ERICH6: variants seen among roughly 807,000 people sequenced by gnomAD.
The protein encoded by ERICH6 is glutamate rich 6.
A neutral mutation model predicts 71.0 loss-of-function variants in ERICH6; 71 were observed. That is an observed-to-expected ratio of 1.00 (90% CI 0.83 to 1.22). ERICH6 has a LOEUF of 1.22. Among genes scored for constraint, ERICH6 ranks in the 50% most tolerant of loss-of-function variants. The pLI, the probability that ERICH6 is intolerant of heterozygous loss-of-function variation, is 0.00. For missense variants in ERICH6, 808 were observed against 797.2 expected, an observed-to-expected ratio of 1.01 and a Z score of -0.16; for synonymous variants, 262 against 278.4, an observed-to-expected ratio of 0.94 and a Z score of 0.59.
chr3:150,686,147 G>A (rs1390182447), intron 4 of ERICH6, 126 bp from the exon 5 acceptor site: 3 of 1,185,302 alleles, frequency 2.5e-6, no homozygotes, highest in Admixed American at 3.6e-5. Context: ...CTGTTCAGAT[G>A]CCCTGATCCC....
intron 12 of ERICH6, among the ~76,000 whole-genome samples, chr3:150,667,660 CA>C (rs1727474642): frequency 2.6e-5 from 4 of 152,206 alleles, no homozygotes. Context: ...TTTAGCCCCT[CA>C]CCATCTGAGA....
Position 150,703,721 on chromosome 3 carries a change from ACTCCTCCTCCACCACCTCCTC to A in ERICH6, c.157_177del (p.Glu53_Glu59del). 1 of 1,460,634 alleles carries A rather than the reference ACTCCTCCTCCACCACCTCCTC, an allele frequency of 6.8e-7. No individual in the cohort carries two copies. 90.5% of individuals were successfully genotyped at this position (1,460,634 alleles called of 1,614,324 possible). A position where few individuals can be genotyped will look rare whatever the true frequency, so the allele number is the denominator to read the frequency against. On this transcript the variant is annotated inframe_deletion, in exon 1 of 14. Coordinates refer to ENST00000295910, the MANE Select transcript of ERICH6 (RefSeq NM_152394.5). ...TCCAACTCCTGCTCTTCCCCCACCA[ACTCCTCCTCCACCACCTCCTC>A]CTCCTCCTCCTCCACCTCTTCCTCC...
At chr3:150,683,512 C>T (rs140923718) in intron 6 of ERICH6, among the ~76,000 whole-genome samples, 19 of 152,224 alleles carry the variant, frequency 1.2e-4, no homozygotes, top group African/African-American at 4.1e-4. Flanking sequence ...CACCTGTAAT[C>T]CCGCACTTTG....
rs145250976 is a variant in ERICH6, at chr3:150,685,993, C to A, written c.639G>T (p.Ser213=). The change falls in exon 5 of 14, where the codon TCG becomes TCT. Residue 213 remains serine, a synonymous_variant. Coordinates refer to ENST00000295910, the MANE Select transcript of ERICH6 (RefSeq NM_152394.5). The part of the protein sequence containing the change: ...REKWVINPEE[S]KLNILYELEF... ...CCAGCTCATATAAAATATTTAGTTT[C>A]GACTCTTCTGGATTAATTACCCATT... 1.0e-5 allele frequency: 16 copies of A among 1,603,900 alleles called. No individual in the cohort carries two copies. Among genetic ancestry groups the A allele is most frequent in the Non-Finnish European group, 1.4e-5 (16 of 1,170,756 alleles).
chr3:150,673,389 A>G (rs894510402), intron 11 of ERICH6, among the ~76,000 whole-genome samples: 38 of 152,020 alleles, frequency 2.5e-4, no homozygotes, highest in African/African-American at 8.7e-4. Context: ...AGCTCTCACT[A>G]TGCTGCTCAG....
At chr3:150,698,461 A>G (rs1337268021) in intron 3 of ERICH6, among the ~76,000 whole-genome samples, 2 of 152,264 alleles carry the variant, frequency 1.3e-5, no homozygotes, top group African/African-American at 4.8e-5. Flanking sequence ...AAAAGTGTGC[A>G]TATGTTACTT....
chr3:150,663,131 A>C (rs1022039832), intron 13 of ERICH6, among the ~76,000 whole-genome samples: 1 of 152,164 alleles, frequency 6.6e-6, no homozygotes. Context: ...GTATCATTCT[A>C]AGTATTGTGT....
intron 3 of ERICH6, among the ~76,000 whole-genome samples, chr3:150,690,375 G>A (rs1016843437): frequency 4.0e-5 from 6 of 151,432 alleles, no homozygotes; most frequent in African/African-American, 1.5e-4. Context: ...TGTGAAACAG[G>A]TTATCAAGAA....
chr3:150,680,348 G>A (rs1037701094), intron 9 of ERICH6, 120 bp downstream of exon 9: 19 of 1,020,108 alleles, frequency 1.9e-5, no homozygotes, highest in African/African-American at 3.2e-5. Flanking sequence ...GATTACAGGC[G>A]TGAGCCACTG....
Position 150,680,803 on chromosome 3 carries a change from C to G in ERICH6, c.1010G>C (p.Arg337Thr). The G allele has an allele frequency of 6.2e-7, 1 of 1,611,564 alleles. No homozygotes were observed. The highest frequency in any genetic ancestry group is 8.5e-7 in the Non-Finnish European group (1 of 1,179,434). The change falls in exon 8 of 14, where the codon AGA (arginine) becomes ACA (threonine). Residue 337 changes from arginine to threonine, a missense_variant. Coordinates refer to ENST00000295910, the MANE Select transcript of ERICH6 (RefSeq NM_152394.5). ...PHAAHGSEVD[R>T]LKAKEKALQR... ...CAGGGCTTTTTCTTTTGCCTTGAGT[C>G]TGTCGACCTCACTACCATGGGCTGC...
At chr3:150,669,676 A>T (rs1230665259) in intron 11 of ERICH6, among the ~76,000 whole-genome samples, 3 of 152,200 alleles carry the variant, frequency 2.0e-5, no homozygotes, top group African/African-American at 7.2e-5. Context: ...TATAAAAAGG[A>T]TTACGCACCA....
intron 13 of ERICH6, among the ~76,000 whole-genome samples, chr3:150,662,514 A>C (rs989706925): frequency 1.3e-5 from 2 of 152,212 alleles, no homozygotes; most frequent in East Asian, 3.8e-4. Flanking sequence ...GAACACTTAT[A>C]AAAATTATGT....
intron 3 of ERICH6, among the ~76,000 whole-genome samples, chr3:150,693,046 T>C (rs1156451483): frequency 1.3e-5 from 2 of 152,166 alleles, no homozygotes; most frequent in African/African-American, 2.4e-5. Context: ...TGCTGATCCT[T>C]TGTTTTGTTT....
chr3:150,666,800 C>T lies in ERICH6; in HGVS notation c.1715G>A (p.Gly572Glu). The T allele has an allele frequency of 6.2e-7, 1 of 1,614,032 alleles. No individual in the cohort carries two copies. Among genetic ancestry groups the T allele is most frequent in the Non-Finnish European group, 8.5e-7 (1 of 1,179,984 alleles). ...AAATGTACCTACCTTCACTTTGGTT[C>T]CAACACTGATTCTTGCCTGTTGGCC... ...AMGQQARISV[G>E]TKVKLPNPEE... Residue 572 changes from glycine to glutamate, a missense_variant, in exon 13 of 14, where the codon GGA becomes GAA. By Grantham distance (98) the Gly-to-Glu change is moderately conservative (BLOSUM62 -2). This residue lies in a region of ERICH6 where 736 missense variants were observed against 712.2 expected (regional missense o/e 1.03). Transcript: ENST00000295910.
rs1016100632 is a variant in ERICH6 at position 150,659,958 on chromosome 3, A to G, written c.1926T>C (p.Cys642=). The change falls in exon 14 of 14, where the codon TGT becomes TGC. Residue 642 remains cysteine, a synonymous_variant. Coordinates refer to ENST00000295910, the MANE Select transcript of ERICH6 (RefSeq NM_152394.5). ...SSLSLKLIAL[C]HSSGIKQDIM... is the part of the protein sequence containing the mutation. ...TATCTTGCTTTATACCAGAACTGTGACAAAGGGCAATTAGTTTTAGAGAAA... is the reference window on the plus strand; with the variant it reads ...TATCTTGCTTTATACCAGAACTGTGGCAAAGGGCAATTAGTTTTAGAGAAA... The G allele has an allele frequency of 9.9e-6, 16 of 1,613,926 alleles. No homozygotes were observed. The highest frequency in any genetic ancestry group is 1.4e-5 in the Non-Finnish European group (16 of 1,179,908).
rs772519835 is a variant in ERICH6 at position 150,703,484 on chromosome 3, C to T, written c.403+12G>A. On this transcript the variant is annotated intron_variant, in intron 1 of 13. Coordinates refer to ENST00000295910, the MANE Select transcript of ERICH6 (RefSeq NM_152394.5). Reference sequence around the variant, plus strand: ...AGAAACCCTCGAGGAAGGGGTGGGTCGGGGGCGGTACTTTTATGCGAGGAG... The same window carrying T: ...AGAAACCCTCGAGGAAGGGGTGGGTTGGGGGCGGTACTTTTATGCGAGGAG... 1 of 1,568,962 alleles carries T rather than the reference C, an allele frequency of 6.4e-7. No homozygotes were observed. The highest frequency in any genetic ancestry group is 8.6e-7 in the Non-Finnish European group (1 of 1,157,852).
chr3:150,664,057 G>T (rs1727313737), intron 13 of ERICH6, among the ~76,000 whole-genome samples: 1 of 152,056 alleles, frequency 6.6e-6, no homozygotes, highest in South Asian at 2.1e-4. Flanking sequence ...GGGAGATGAA[G>T]AGTAATCAGG....
At position 150,696,661 on chromosome 3, in the gene ERICH6, C is replaced by A. The variant is rs545396851; in HGVS notation, c.553+2130G>T. On this transcript the variant is annotated intron_variant, in intron 3 of 13. Transcript: ENST00000295910. ...AATTCAAAGAAGATAATCGAGTGACCAAAAAAACATATTATTGGTATCAAG... is the reference window on the plus strand; with the variant it reads ...AATTCAAAGAAGATAATCGAGTGACAAAAAAAACATATTATTGGTATCAAG... 7.3e-5 allele frequency among the ~76,000 whole-genome samples: 11 copies of A among 151,628 alleles called. No homozygotes were observed. The South Asian group carries it at 2.3e-3, about 32-fold the overall frequency.
At chr3:150,668,219 A>G (rs1024202637) in intron 12 of ERICH6, among the ~76,000 whole-genome samples, 15 of 152,216 alleles carry the variant, frequency 9.9e-5, no homozygotes, top group Non-Finnish European at 1.9e-4. Context: ...AGTCTACACT[A>G]TGTACAGATG....
Sources: gnomAD v4.1 joint callset for allele counts (sites outside exome capture counted in the v4.1 genomes callset) on GRCh38, gnomAD v4.1.1 for gene constraint, gnomAD v4.1.1 regional missense constraint, MANE v1.5 for transcripts, NCBI Gene and HGNC (gene_info 2026-07-23, HGNC 2026-07-21) for gene names.